The following MS4A12 variants were observed in gnomAD, a reference collection of about 807,000 sequenced individuals.
The protein encoded by MS4A12 is membrane spanning 4-domains A12, also known as membrane-spanning 4-domains subfamily A member 12.
Under a neutral mutation model 23.7 loss-of-function variants are expected in MS4A12, and 28 were observed. The ratio of observed to expected loss-of-function variants is 1.18; its 90% CI spans 0.88 to 1.62. MS4A12 has a LOEUF of 1.62. Among genes scored for constraint, MS4A12 ranks in the 40% most tolerant of loss-of-function variants. The pLI, the probability that MS4A12 is intolerant of heterozygous loss-of-function variation, is 0.00. For missense variants in MS4A12, 342 were observed against 327.0 expected (o/e 1.05, Z -0.35); for synonymous variants, 108 against 110.1 (o/e 0.98, Z 0.12).
chr11:60,505,034 G>A lies in MS4A12; in HGVS notation c.588+1217G>A, dbSNP rs79720461. ...TGGAAAGGACAACACTGTTTGCAGT[G>A]TAAGGAAAAGCTTATATAAGAAGGT... On this transcript the variant is annotated intron_variant, in intron 5 of 6. Coordinates refer to ENST00000016913, the MANE Select transcript of MS4A12 (RefSeq NM_017716.3). Among the ~76,000 whole-genome samples, 23 of 152,274 alleles carry A rather than the reference G, an allele frequency of 1.5e-4. 1 individual carries two copies. In the East Asian group the frequency reaches 4.4e-3, roughly 29 times the overall value.
chr11:60,494,874 T>C (rs936287267), intron 1 of MS4A12, among the ~76,000 whole-genome samples: 1 of 152,232 alleles, frequency 6.6e-6, no homozygotes, highest in African/African-American at 2.4e-5. Context: ...CCATAGGATG[T>C]ATAACCTCAC....
chr11:60,498,700 G>C (rs1176190467), intron 2 of MS4A12, among the ~76,000 whole-genome samples: 2 of 152,184 alleles, frequency 1.3e-5, no homozygotes, highest in East Asian at 3.9e-4. Flanking sequence ...AAACAAAGAA[G>C]TGTAAAAGGG....
chr11:60,506,963 G>C, intron 6 of MS4A12, 57 bp from the exon 7 acceptor site: 1 of 1,541,826 alleles, frequency 6.5e-7, no homozygotes, highest in Non-Finnish European at 9.0e-7. Context: ...ATGGTACCAG[G>C]GGAAATTGCA....
intron 5 of MS4A12, among the ~76,000 whole-genome samples, chr11:60,505,065 A>C (rs2086560226): frequency 6.6e-6 from 1 of 152,212 alleles, no homozygotes; most frequent in South Asian, 2.1e-4. Context: ...AAGGTGTATT[A>C]GTTTGTTTTC....
In MS4A12 at chr11:60,501,223, A is replaced by G. The variant is rs202220437; in HGVS notation, c.414+41A>G. On this transcript the variant is annotated intron_variant, in intron 3 of 6. Transcript: ENST00000016913. Reference sequence around the variant, plus strand: ...GAACACCAGTCCTTCTTGGTTTATAAAGTATTCCCTCTTGGTTTATAAAGT... The same window carrying G: ...GAACACCAGTCCTTCTTGGTTTATAGAGTATTCCCTCTTGGTTTATAAAGT... 3,502 of 1,544,352 alleles carry G rather than the reference A, an allele frequency of 2.3e-3. 14 individuals carry two copies. Among genetic ancestry groups the G allele is most frequent in the Non-Finnish European group, 2.9e-3 (3,304 of 1,145,770 alleles).
chr11:60,503,782 A>G lies in MS4A12; in HGVS notation c.553A>G (p.Ile185Val). 1.2e-6 allele frequency: 2 copies of G among 1,613,946 alleles called. No homozygotes were observed. Among genetic ancestry groups the G allele is most frequent in the Non-Finnish European group, 1.7e-6 (2 of 1,179,862 alleles). ...GVILLLVDMC[I>V]NGVAGQDYWA... Reference sequence around the variant, plus strand: ...GATTCTGCTGCTGGTGGATATGTGCATCAATGGGGTAGCTGGCCAAGACTA... The same window carrying G: ...GATTCTGCTGCTGGTGGATATGTGCGTCAATGGGGTAGCTGGCCAAGACTA... Residue 185 changes from isoleucine (I) to valine (V), a missense_variant, in exon 5 of 7, where the codon ATC (isoleucine) becomes GTC (valine). Transcript: ENST00000016913.
At position 60,496,336 on chromosome 11, in the gene MS4A12, G is replaced by C. The variant is rs182694920; in HGVS notation, c.-6-977G>C. Among the ~76,000 whole-genome samples the C allele has an allele frequency of 3.3e-4, 50 of 152,170 alleles. No homozygotes were observed. The East Asian group carries it at 8.3e-3, about 25-fold the overall frequency. On this transcript the variant is annotated intron_variant, in intron 1 of 6. Coordinates refer to ENST00000016913, the MANE Select transcript of MS4A12 (RefSeq NM_017716.3). ...GAAGACCTCAAAAAAAGGAATCTAA[G>C]GCTAAAGACAAATTTTTTAAGTGTC...
chr11:60,494,366 C>CA lies in MS4A12; in HGVS notation c.-7+1547dup, dbSNP rs904751023. Among the ~76,000 whole-genome samples, 112 of 148,832 alleles carry CA rather than the reference C, an allele frequency of 7.5e-4. 3 individuals are homozygous for CA. Among genetic ancestry groups the CA allele is most frequent in the East Asian group, 5.9e-4 (3 of 5,088 alleles). On this transcript the variant is annotated intron_variant, in intron 1 of 6. Coordinates refer to ENST00000016913, the MANE Select transcript of MS4A12 (RefSeq NM_017716.3). ...GTTTTCCTCATAAAATTTCTCGAGA[C>CA]AAAAAAAAAGCAATGATCAACAGCA...
At chr11:60,501,023 A>G in intron 2 of MS4A12, 22 bp from the exon 3 acceptor site, 1 of 1,583,422 alleles carries the variant, frequency 6.3e-7, no homozygotes. Context: ...AGTAATTTTA[A>G]ATGGCTGTTT....
chr11:60,495,666 CCA>C (rs2086482782), intron 1 of MS4A12, among the ~76,000 whole-genome samples: 1 of 152,074 alleles, frequency 6.6e-6, no homozygotes, highest in Non-Finnish European at 1.5e-5. Flanking sequence ...AACAAACTTG[CCA>C]AAGACACAAA....
chr11:60,506,861 A>G, intron 6 of MS4A12, 23 bp downstream of exon 6: 1 of 1,595,326 alleles, frequency 6.3e-7, no homozygotes, highest in Non-Finnish European at 8.6e-7. Context: ...TCTTCTTTGT[A>G]AAATAATCTG....
At chr11:60,504,004 C>A (rs1360818560) in intron 5 of MS4A12, among the ~76,000 whole-genome samples, 187 bp downstream of exon 5, 1 of 152,120 alleles carries the variant, frequency 6.6e-6, no homozygotes, top group South Asian at 2.1e-4. Flanking sequence ...ACAGATAGAC[C>A]GAGGCTTAAA....
chr11:60,501,035 C>CT lies in MS4A12; in HGVS notation c.277-4dup, dbSNP rs1469231422. Reference sequence around the variant, plus strand: ...AGAAGTAATTTTAAATGGCTGTTTTCTTTTTTCAGGTGATCCAGATCATGG... The same window carrying CT: ...AGAAGTAATTTTAAATGGCTGTTTTCTTTTTTTCAGGTGATCCAGATCATGG... On this transcript the variant is annotated splice_polypyrimidine_tract_variant and intron_variant, in intron 2 of 6. Transcript: ENST00000016913. The CT allele has an allele frequency of 3.8e-6, 6 of 1,586,798 alleles. No individual in the cohort carries two copies. Among genetic ancestry groups the CT allele is most frequent in the African/African-American group, 1.4e-5 (1 of 72,656 alleles).
intron 5 of MS4A12, among the ~76,000 whole-genome samples, chr11:60,504,887 T>C (rs2086559051): frequency 6.6e-6 from 1 of 152,194 alleles, no homozygotes; most frequent in African/African-American, 2.4e-5. Context: ...TAGAGTATGT[T>C]CTTTGAAGTG....
chr11:60,501,325 T>A, intron 3 of MS4A12, 143 bp downstream of exon 3: 1 of 926,210 alleles, frequency 1.1e-6, no homozygotes, highest in Non-Finnish European at 1.5e-6. Context: ...TTAGAAAAAT[T>A]AACAGCTCTG....
intron 1 of MS4A12, among the ~76,000 whole-genome samples, chr11:60,495,534 G>A (rs1665882981): frequency 6.6e-6 from 1 of 151,934 alleles, no homozygotes; most frequent in South Asian, 2.1e-4. Flanking sequence ...AGCCAACCCT[G>A]TAATCGGCAC....
rs369117261 is a variant in MS4A12, at chr11:60,500,149, G to A, written c.277-896G>A. On this transcript the variant is annotated intron_variant, in intron 2 of 6. Transcript: ENST00000016913. ...CTAGCTACTCGGGAGGGTGAGGCAG[G>A]AGAATGGTGTGAACCCGGGAGGCGG... 2.2e-4 allele frequency among the ~76,000 whole-genome samples: 34 copies of A among 151,562 alleles called. No homozygotes were observed. The South Asian group carries it at 6.7e-3, about 30-fold the overall frequency.
chr11:60,496,307 T>A (rs961692088), intron 1 of MS4A12, among the ~76,000 whole-genome samples: 5 of 152,210 alleles, frequency 3.3e-5, no homozygotes, highest in African/African-American at 9.7e-5. Context: ...ATTGTTGTGC[T>A]TTTGAAGACC....
At chr11:60,502,955 T>C (rs1048645398) in intron 4 of MS4A12, among the ~76,000 whole-genome samples, 1 of 152,110 alleles carries the variant, frequency 6.6e-6, no homozygotes, top group Non-Finnish European at 1.5e-5. Flanking sequence ...CACTGACACA[T>C]ACCTAAGACA....
Sources: allele counts gnomAD v4.1 joint callset (sites outside exome capture counted in the v4.1 genomes callset), GRCh38; gene constraint gnomAD v4.1.1; transcripts MANE v1.5; gene names NCBI Gene and HGNC (gene_info 2026-07-23, HGNC 2026-07-21).